Variants in KCTD1 observed in about 807,000 individuals in gnomAD.
The protein encoded by KCTD1 is potassium channel tetramerization domain containing 1, also known as BTB/POZ domain-containing protein KCTD1.
In KCTD1, 24 loss-of-function variants were observed where a neutral mutation model predicts 66.0. That is an observed-to-expected ratio of 0.36 (90% CI 0.26 to 0.51). The LOEUF is 0.51. Among genes scored for constraint, KCTD1 ranks in the 20% least tolerant of loss-of-function variants. The probability of loss-of-function intolerance (pLI) is 0.95; values close to 1 mark genes in which losing one functional copy is unlikely to be tolerated. For missense variants in KCTD1, 943 were observed against 1,205.2 expected (o/e 0.78, Z 3.22); for synonymous variants, 511 against 517.2 (o/e 0.99, Z 0.16).
intron 1 of KCTD1, among the ~76,000 whole-genome samples, chr18:26,534,329 C>T (rs1193311563): frequency 6.6e-6 from 1 of 151,900 alleles, no homozygotes; most frequent in Non-Finnish European, 1.5e-5. Flanking sequence ...TCACATAGTA[C>T]CTATACCTAT....
Position 26,546,762 on chromosome 18 carries a change from G to A in KCTD1, c.1775C>T (p.Thr592Ile). Reference protein sequence around the residue: ...ANGHRSTNSPTIVSPAIVSPT... With the variant: ...ANGHRSTNSPIIVSPAIVSPT... ...GGAAACAATAGCAGGTGAAACTATT[G>A]TGGGAGAATTGGTGCTTCTGTGCCC... Residue 592 changes from threonine (T) to isoleucine (I), a missense_variant, in exon 1 of 5, where the codon ACA (threonine) becomes ATA (isoleucine). Thr to Ile is a moderately conservative substitution (Grantham distance 89). This residue lies in a region of KCTD1 where 197 missense variants were observed against 182.7 expected (regional missense o/e 1.08). Coordinates refer to ENST00000580059, the MANE Select transcript of KCTD1 (RefSeq NM_001142730.3). 6.5e-7 allele frequency: 1 copy of A among 1,550,088 alleles called. No individual in the cohort carries two copies. Among genetic ancestry groups the A allele is most frequent in the Non-Finnish European group, 8.7e-7 (1 of 1,146,478 alleles).
upstream of KCTD1, among the ~76,000 whole-genome samples, chr18:26,643,289 CT>C (rs71169869): frequency 8.8e-3 from 1,346 of 152,212 alleles, 6 homozygotes; most frequent in Non-Finnish European, 0.014. Context: ...CCCTTACGAA[CT>C]GGTAATTACT....
intron 1 of KCTD1, among the ~76,000 whole-genome samples, chr18:26,555,548 A>G (rs1458033112): frequency 6.6e-6 from 1 of 152,240 alleles, no homozygotes; most frequent in East Asian, 1.9e-4. Context: ...CTAGAAGTTC[A>G]TCTTAGGAAA....
chr18:26,611,977 C>T (rs570831915), intron 1 of KCTD1, among the ~76,000 whole-genome samples: 1 of 152,236 alleles, frequency 6.6e-6, no homozygotes, highest in East Asian at 1.9e-4. Context: ...GCAAGACTTT[C>T]CTTAGTCATC....
chr18:26,492,495 T>A (rs1240692868), intron 2 of KCTD1, among the ~76,000 whole-genome samples: 1 of 151,928 alleles, frequency 6.6e-6, no homozygotes, highest in Non-Finnish European at 1.5e-5. Flanking sequence ...TAACCGAATG[T>A]GGTGGTGTGT....
chr18:26,455,726 A>G lies in KCTD1; in HGVS notation c.*17T>C. 1 of 1,613,568 alleles carries G rather than the reference A, an allele frequency of 6.2e-7. No homozygotes were observed. The highest frequency in any genetic ancestry group is 8.5e-7 in the Non-Finnish European group (1 of 1,179,902). On this transcript the variant is annotated 3_prime_UTR_variant, in exon 5 of 5. Transcript: ENST00000580059. ...TGGTTGTGTGTGTTTTCCTTTTTGC[A>G]TAAGAAATATGTCCATTTAGTCCAG...
intron 1 of KCTD1, chr18:26,600,015 T>C: frequency 1.9e-6 from 3 of 1,611,334 alleles, no homozygotes; most frequent in Non-Finnish European, 2.5e-6. Flanking sequence ...CAGCCAACGA[T>C]ATGGAGGACG....
At chr18:26,585,861 G>A (rs552498519) in intron 1 of KCTD1, among the ~76,000 whole-genome samples, 3 of 152,260 alleles carry the variant, frequency 2.0e-5, no homozygotes, top group East Asian at 1.9e-4. Flanking sequence ...GGGCAACATA[G>A]TGAGACCTTG....
chr18:26,496,965 T>C (rs1326189319), intron 2 of KCTD1, among the ~76,000 whole-genome samples: 1 of 152,114 alleles, frequency 6.6e-6, no homozygotes, highest in Non-Finnish European at 1.5e-5. Context: ...ACTGCAGAGG[T>C]TCCTATTTTA....
rs1472162932 is a variant in KCTD1, at chr18:26,600,106, G to A, written c.-16+29041C>T. The A allele has an allele frequency of 3.1e-6, 5 of 1,610,648 alleles. No homozygotes were observed. In the East Asian group the frequency reaches 1.1e-4, roughly 36 times the overall value. ...GCCAGATCCGGCTTCCCTGCAGGCT[G>A]CTTCTTGTGGGGAAGGGAAAAAGAG... is the stretch of plus-strand genomic sequence containing the variant. On this transcript the variant is annotated intron_variant, in intron 1 of 4. Transcript: ENST00000317932.
intron 1 of KCTD1, among the ~76,000 whole-genome samples, chr18:26,534,337 T>C (rs981481474): frequency 1.3e-5 from 2 of 152,178 alleles, no homozygotes; most frequent in Admixed American, 6.5e-5. Context: ...TACCTATACC[T>C]ATAATTTAAT....
At chr18:26,463,113 C>A (rs1220095612) in intron 3 of KCTD1, among the ~76,000 whole-genome samples, 2 of 152,152 alleles carry the variant, frequency 1.3e-5, no homozygotes, top group Admixed American at 6.5e-5. Flanking sequence ...GTGCTAGATG[C>A]TATCACTCTT....
intron 1 of KCTD1, among the ~76,000 whole-genome samples, chr18:26,506,495 G>C (rs1368060817): frequency 6.6e-6 from 1 of 152,178 alleles, no homozygotes; most frequent in African/African-American, 2.4e-5. Flanking sequence ...CTCCAAAGTG[G>C]GAGAGCACAT....
rs533517338 is a variant in KCTD1 at position 26,599,729 on chromosome 18, G to C, written c.-16+29418C>G. ...GACAGCTGTAGATAACAATAGCAAA[G>C]TGAAGACAGCATCTAAGCTGTGTTC... On this transcript the variant is annotated intron_variant, in intron 1 of 4. Coordinates refer to the KCTD1 transcript ENST00000317932. 33 of 1,564,212 alleles carry C rather than the reference G, an allele frequency of 2.1e-5. No individual in the cohort carries two copies. In the African/African-American group the frequency reaches 3.9e-4, roughly 19 times the overall value.
At chr18:26,656,483 GA>G (rs1017636444) in intron 1 of KCTD1, among the ~76,000 whole-genome samples, 2 of 152,044 alleles carry the variant, frequency 1.3e-5, no homozygotes, top group Non-Finnish European at 2.9e-5. Flanking sequence ...GAGGGAGTGG[GA>G]GGGGGCTTTA....
At chr18:26,657,383 T>G in exon 1 of KCTD1, 11 of 985,508 alleles carry the variant, frequency 1.1e-5, no homozygotes, top group Non-Finnish European at 1.3e-5. Flanking sequence ...GCACAAAGTC[T>G]CTCTCCAAGT....
chr18:26,641,497 C>A (rs1435354393), upstream of KCTD1, among the ~76,000 whole-genome samples: 4 of 152,296 alleles, frequency 2.6e-5, no homozygotes, highest in Admixed American at 1.3e-4. Context: ...TCTTCACAGG[C>A]AGCCCAAGAG....
At chr18:26,550,280 T>C (rs913335346), upstream of KCTD1, among the ~76,000 whole-genome samples, 1 of 152,162 alleles carries the variant, frequency 6.6e-6, no homozygotes, top group Admixed American at 6.5e-5. The surrounding 1 kb of genome is among the most constrained non-coding windows in gnomAD (Gnocchi z 5.4). Context: ...CCCTCCTGTC[T>C]TGCTCTCAAG....
chr18:26,538,647 C>A (rs150610727), intron 1 of KCTD1, among the ~76,000 whole-genome samples: 238 of 152,314 alleles, frequency 1.6e-3, no homozygotes, highest in African/African-American at 5.5e-3. Flanking sequence ...AAGCATTCTG[C>A]ACTAACAAAA....
Sources: allele counts gnomAD v4.1 joint callset (sites outside exome capture counted in the v4.1 genomes callset), GRCh38; gene constraint gnomAD v4.1.1; regional missense constraint gnomAD v4.1.1; non-coding constraint Gnocchi (gnomAD v3.1); transcripts MANE v1.5; gene names NCBI Gene and HGNC (gene_info 2026-07-23, HGNC 2026-07-21).